MORC1: variants seen among roughly 807,000 people sequenced by gnomAD.
The protein encoded by MORC1 is MORC family CW-type zinc finger 1.
Under a neutral mutation model 134.9 loss-of-function variants are expected in MORC1, and 59 were observed. The observed-to-expected ratio is 0.44, with a 90% CI of 0.35 to 0.54. MORC1 has a LOEUF of 0.54. MORC1 is among the 20% of genes least tolerant of loss of function. The pLI is 0.00. For synonymous variants in MORC1, 395 were observed against 391.7 expected (o/e 1.01, Z -0.10); for missense variants, 947 against 1,134.5 (o/e 0.83, Z 2.37).
chr3:109,067,042 G>T (rs1576703521), intron 9 of MORC1, among the ~76,000 whole-genome samples: 1 of 152,152 alleles, frequency 6.6e-6, no homozygotes, highest in East Asian at 1.9e-4. Context: ...CATATGGAAA[G>T]CATCCCTAAA....
At chr3:109,002,020 C>A (rs1164477744) in intron 20 of MORC1, among the ~76,000 whole-genome samples, 1 of 152,176 alleles carries the variant, frequency 6.6e-6, no homozygotes, top group Non-Finnish European at 1.5e-5. Context: ...CCTCTATATC[C>A]AATAAAGACT....
At chr3:108,990,004 T>G (rs1462676979) in intron 21 of MORC1, among the ~76,000 whole-genome samples, 1 of 152,040 alleles carries the variant, frequency 6.6e-6, no homozygotes, top group East Asian at 1.9e-4. Context: ...CTTGTGACAG[T>G]AAGTCTCATG....
intron 21 of MORC1, among the ~76,000 whole-genome samples, chr3:108,998,026 T>C (rs1340823209): frequency 6.6e-6 from 1 of 152,216 alleles, no homozygotes; most frequent in South Asian, 2.1e-4. Flanking sequence ...GCTGAGTCAG[T>C]GCTCTTTTAG....
intron 7 of MORC1, 36 bp from the exon 8 acceptor site, chr3:109,093,577 T>C (rs768498454): frequency 7.3e-7 from 1 of 1,366,410 alleles, no homozygotes; most frequent in East Asian, 2.3e-5. Context: ...TGTCAGTATT[T>C]TAAATACACT....
chr3:109,099,560 G>T (rs1950888430), intron 5 of MORC1, 94 bp from the exon 6 acceptor site: 4 of 923,208 alleles, frequency 4.3e-6, no homozygotes, highest in African/African-American at 1.7e-5. Flanking sequence ...GTAACAGGAT[G>T]TTCTTTCCAA....
chr3:109,043,089 T>C (rs977352829), intron 14 of MORC1, among the ~76,000 whole-genome samples: 5 of 147,050 alleles, frequency 3.4e-5, no homozygotes, highest in South Asian at 2.2e-4. Flanking sequence ...GAAATGTGTA[T>C]ACCCATCTTC....
intron 8 of MORC1, among the ~76,000 whole-genome samples, chr3:109,078,422 T>C (rs1052570266): frequency 4.6e-5 from 7 of 152,004 alleles, no homozygotes; most frequent in Admixed American, 2.0e-4. Flanking sequence ...TATGCACTAG[T>C]AGATTTAAAA....
chr3:109,100,172 G>T (rs899851510), intron 5 of MORC1, among the ~76,000 whole-genome samples: 2 of 152,072 alleles, frequency 1.3e-5, no homozygotes, highest in African/African-American at 4.8e-5. Context: ...GAACCCAGGA[G>T]GCGGAGGTTG....
At chr3:108,959,142 C>T (rs756726542) in intron 27 of MORC1, 22 bp from the exon 28 acceptor site, 14 of 1,565,796 alleles carry the variant, frequency 8.9e-6, no homozygotes, top group Non-Finnish European at 1.1e-5. Context: ...AAGCAACAGT[C>T]ACACCAGGGA....
chr3:108,987,157 T>G (rs1947916520), intron 21 of MORC1, among the ~76,000 whole-genome samples: 1 of 152,206 alleles, frequency 6.6e-6, no homozygotes, highest in Admixed American at 6.5e-5. Flanking sequence ...ATTATCATAG[T>G]CATGTTTACT....
intron 14 of MORC1, among the ~76,000 whole-genome samples, chr3:109,047,041 T>C (rs541761984): frequency 1.3e-5 from 2 of 152,216 alleles, no homozygotes; most frequent in East Asian, 3.9e-4. Flanking sequence ...TGGAAAGAGT[T>C]TACATGTACA....
intron 17 of MORC1, among the ~76,000 whole-genome samples, chr3:109,022,850 A>T (rs1436350652): frequency 6.6e-6 from 1 of 152,232 alleles, no homozygotes; most frequent in Non-Finnish European, 1.5e-5. Context: ...AAAGATGAAG[A>T]GAAATAGTCC....
intron 9 of MORC1, 142 bp downstream of exon 9, chr3:109,069,490 C>A: frequency 1.3e-6 from 1 of 756,456 alleles, no homozygotes; most frequent in East Asian, 2.7e-5. Context: ...CTTTAGCATC[C>A]CTTCCTGGAT....
At chr3:109,052,337 A>C (rs141941699) in intron 14 of MORC1, among the ~76,000 whole-genome samples, 1 of 152,322 alleles carries the variant, frequency 6.6e-6, no homozygotes, top group Non-Finnish European at 1.5e-5. Flanking sequence ...TACTCTTCAG[A>C]GCAGTGCTTC....
intron 14 of MORC1, 84 bp from the exon 15 acceptor site, chr3:109,035,552 A>G: frequency 2.5e-6 from 2 of 811,800 alleles, no homozygotes; most frequent in Non-Finnish European, 3.7e-6. Flanking sequence ...TTGTATATAC[A>G]ATATGATCTC....
At chr3:108,976,311 C>T (rs939202093) in intron 24 of MORC1, among the ~76,000 whole-genome samples, 1 of 152,148 alleles carries the variant, frequency 6.6e-6, no homozygotes, top group Non-Finnish European at 1.5e-5. Context: ...AACTACTACT[C>T]TTTTTTATCA....
intron 17 of MORC1, among the ~76,000 whole-genome samples, chr3:109,007,451 C>A (rs941483015): frequency 6.6e-6 from 1 of 152,140 alleles, no homozygotes; most frequent in Non-Finnish European, 1.5e-5. Context: ...GAATTCTGAC[C>A]TTAGGCAGTA....
chr3:108,987,284 T>A (rs1455474450), intron 21 of MORC1, among the ~76,000 whole-genome samples: 1 of 152,238 alleles, frequency 6.6e-6, no homozygotes, highest in East Asian at 1.9e-4. Flanking sequence ...AAGTATTTGA[T>A]TCACCAGCAA....
chr3:108,986,995 A>C, intron 21 of MORC1, 46 bp from the exon 22 acceptor site: 1 of 1,423,082 alleles, frequency 7.0e-7, no homozygotes, highest in Non-Finnish European at 9.5e-7. Flanking sequence ...AACATAGGAC[A>C]TATTATAAAC....
Sources: allele counts gnomAD v4.1 joint callset (sites outside exome capture counted in the v4.1 genomes callset), GRCh38; gene constraint gnomAD v4.1.1; transcripts MANE v1.5; gene names NCBI Gene and HGNC (gene_info 2026-07-23, HGNC 2026-07-21).